The following DNAI7 variants were observed in gnomAD, a reference collection of about 807,000 sequenced individuals.
The protein encoded by DNAI7 is cancer susceptibility 1.
In DNAI7, 78 loss-of-function variants were observed where a neutral mutation model predicts 86.6. The ratio of observed to expected loss-of-function variants is 0.90; its 90% CI spans 0.75 to 1.09. The LOEUF is 1.09. DNAI7 is among the 50% of genes least tolerant of loss of function. DNAI7 has a pLI of 0.00. For synonymous variants in DNAI7, 274 were observed against 273.0 expected, an observed-to-expected ratio of 1.00 and a Z score of -0.04; for missense variants, 753 against 810.2, an observed-to-expected ratio of 0.93 and a Z score of 0.86.
chr12:25,174,946 T>C (rs1275638025), intron 2 of DNAI7, among the ~76,000 whole-genome samples: 1 of 151,510 alleles, frequency 6.6e-6, no homozygotes, highest in East Asian at 1.9e-4. Flanking sequence ...CACAATGAAC[T>C]TTGGGGACTT....
At chr12:25,151,535 G>GT (rs1163901493) in intron 6 of DNAI7, among the ~76,000 whole-genome samples, 2 of 152,028 alleles carry the variant, frequency 1.3e-5, no homozygotes, top group South Asian at 4.1e-4. Flanking sequence ...CCTCATTCTT[G>GT]TAACAGGAAG....
chr12:25,178,376 T>G (rs1949167441), intron 2 of DNAI7, among the ~76,000 whole-genome samples: 1 of 152,324 alleles, frequency 6.6e-6, no homozygotes, highest in East Asian at 1.9e-4. Context: ...TTCTAATATA[T>G]TGGCATAAAA....
At chr12:25,185,700 T>C (rs73071287) in intron 2 of DNAI7, 11,121 of 822,252 alleles carry the variant, frequency 0.014, 150 homozygotes, top group South Asian at 0.085. Context: ...CTCAATACCA[T>C]TTATATTTTA....
chr12:25,148,901 A>C (rs1945174490), intron 7 of DNAI7, among the ~76,000 whole-genome samples: 1 of 152,172 alleles, frequency 6.6e-6, no homozygotes, highest in Non-Finnish European at 1.5e-5. Context: ...GAAATCCCAC[A>C]TCCTATTTAT....
At chr12:25,133,046 G>A (rs1345300817) in intron 9 of DNAI7, among the ~76,000 whole-genome samples, 2 of 151,978 alleles carry the variant, frequency 1.3e-5, no homozygotes, top group East Asian at 3.9e-4. Flanking sequence ...AGTACGAAAG[G>A]TCTTCTTAGT....
intron 2 of DNAI7, among the ~76,000 whole-genome samples, chr12:25,171,658 G>A (rs942086807): frequency 8.6e-5 from 13 of 151,994 alleles, no homozygotes; most frequent in African/African-American, 3.1e-4. Flanking sequence ...ATCAGGAAAG[G>A]ACATAACCAA....
intron 2 of DNAI7, among the ~76,000 whole-genome samples, chr12:25,162,969 C>T (rs1946999442): frequency 6.6e-6 from 1 of 152,158 alleles, no homozygotes; most frequent in African/African-American, 2.4e-5. Context: ...AAGAACAAAC[C>T]AGCAATCCCA....
At chr12:25,110,329 C>G in intron 14 of DNAI7, 89 bp from the exon 15 acceptor site, 2 of 712,266 alleles carry the variant, frequency 2.8e-6, no homozygotes, top group Non-Finnish European at 5.0e-6. Flanking sequence ...ATTTTCAACA[C>G]AGACGGATCC....
intron 13 of DNAI7, among the ~76,000 whole-genome samples, chr12:25,112,868 C>T (rs1176373303): frequency 6.6e-6 from 1 of 152,078 alleles, no homozygotes. Flanking sequence ...AGAGCATGTG[C>T]TAATTTGGAC....
chr12:25,135,933 A>C (rs1018431048), intron 9 of DNAI7, among the ~76,000 whole-genome samples: 2 of 152,126 alleles, frequency 1.3e-5, no homozygotes, highest in Non-Finnish European at 2.9e-5. Flanking sequence ...TGATAGCCAA[A>C]GGCAAAAGAC....
chr12:25,149,088 C>T (rs975918554), intron 7 of DNAI7, among the ~76,000 whole-genome samples: 1 of 152,050 alleles, frequency 6.6e-6, no homozygotes, highest in African/African-American at 2.4e-5. Context: ...TGGACTCAAG[C>T]GATGCTCCCA....
At chr12:25,130,134 T>G (rs1031310611) in intron 9 of DNAI7, among the ~76,000 whole-genome samples, 3 of 152,246 alleles carry the variant, frequency 2.0e-5, no homozygotes, top group Non-Finnish European at 4.4e-5. Context: ...ACTGTTACTC[T>G]TCTAATCCAC....
chr12:25,167,620 TC>T (rs781620284), intron 2 of DNAI7, among the ~76,000 whole-genome samples: 14 of 152,018 alleles, frequency 9.2e-5, no homozygotes, highest in Non-Finnish European at 1.9e-4. Context: ...TACACAGCTG[TC>T]CCCGCCTTAC....
chr12:25,108,549 T>G lies in DNAI7; in HGVS notation c.2168A>C (p.Ter723SerextTer16). 1 of 1,611,292 alleles carries G rather than the reference T, an allele frequency of 6.2e-7. No homozygotes were observed. Among genetic ancestry groups the G allele is most frequent in the Non-Finnish European group, 8.5e-7 (1 of 1,178,234 alleles). ...LLSTRLLSYS[*>S] Reference sequence around the variant, plus strand: ...TACAATACAGTTTGTAAGTGGAGGTTAGGAGTAGCTGAGCAATCTGGTAGA... The same window carrying G: ...TACAATACAGTTTGTAAGTGGAGGTGAGGAGTAGCTGAGCAATCTGGTAGA... Residue 723 changes from the stop codon to serine, a stop_lost, in exon 16 of 16, where the codon TAA becomes TCA. Transcript: ENST00000395987.
At position 25,114,715 on chromosome 12, in the gene DNAI7, C is replaced by T; in HGVS notation, c.1552G>A (p.Val518Ile). The change falls in exon 13 of 16, where the codon GTA (valine) becomes ATA (isoleucine). Residue 518 changes from valine (V) to isoleucine (I), a missense_variant. By Grantham distance (29) the Val-to-Ile change is conservative. Coordinates refer to ENST00000395987, the MANE Select transcript of DNAI7 (RefSeq NM_018272.5). ...YQSWELRPLD[V>I]NKVLLTVTTV... ...GTCACAGTTAAAAGTACTTTATTTA[C>T]ATCAAGTGGTCTTAGTTCCCATGAC... 1 of 1,613,540 alleles carries T rather than the reference C, an allele frequency of 6.2e-7. No individual in the cohort carries two copies.
At chr12:25,166,126 A>G (rs999360347) in intron 2 of DNAI7, among the ~76,000 whole-genome samples, 2 of 152,160 alleles carry the variant, frequency 1.3e-5, no homozygotes, top group Non-Finnish European at 2.9e-5. Context: ...TACCCCGCTC[A>G]ATGCCAATAT....
intron 2 of DNAI7, among the ~76,000 whole-genome samples, chr12:25,176,901 C>CTTT (rs761004608): frequency 1.4e-4 from 17 of 118,130 alleles, no homozygotes; most frequent in South Asian, 5.3e-4. Context: ...TAACCATTTT[C>CTTT]TTTTTTTTTT....
At chr12:25,167,671 G>A (rs1044429069) in intron 2 of DNAI7, among the ~76,000 whole-genome samples, 2 of 151,932 alleles carry the variant, frequency 1.3e-5, no homozygotes, top group African/African-American at 4.8e-5. Flanking sequence ...CTATACCTCC[G>A]AACTTCCTTT....
rs1456184035 is a variant in DNAI7 at position 25,174,497 on chromosome 12, C to CATAT, written c.22-13301_22-13300insATAT. 3.5e-3 allele frequency among the ~76,000 whole-genome samples: 10 copies of CATAT among 2,878 alleles called. 5 individuals are homozygous for CATAT. The highest frequency in any genetic ancestry group is 8.8e-3 in the African/African-American group (10 of 1,132). 1.9% of individuals were successfully genotyped at this position (2,878 alleles called of 152,430 possible). ...ATATGGGATATATATATCATATATCCCATATATATGGGATATATATATCAT... is the reference window on the plus strand; with the variant it reads ...ATATGGGATATATATATCATATATCCATATCATATATATGGGATATATATATCAT... On this transcript the variant is annotated intron_variant, in intron 2 of 15. Transcript: ENST00000395987.
Sources: gnomAD v4.1 joint callset for allele counts (sites outside exome capture counted in the v4.1 genomes callset) on GRCh38, gnomAD v4.1.1 for gene constraint, MANE v1.5 for transcripts, NCBI Gene and HGNC (gene_info 2026-07-23, HGNC 2026-07-21) for gene names.